SERGEF: variants seen among roughly 807,000 people sequenced by gnomAD.
The protein encoded by SERGEF is secretion regulating guanine nucleotide exchange factor.
Under a neutral mutation model 50.0 loss-of-function variants are expected in SERGEF, and 51 were observed. The observed-to-expected ratio is 1.02, with a 90% confidence interval of 0.81 to 1.29. The LOEUF is 1.29. Ranked by LOEUF, SERGEF falls within the 50% of genes most tolerant of loss-of-function variation. SERGEF has a pLI of 0.00. For synonymous variants in SERGEF, 205 were observed against 212.4 expected, an observed-to-expected ratio of 0.97 and a Z score of 0.30; for missense variants, 521 against 557.0, an observed-to-expected ratio of 0.94 and a Z score of 0.65.
intron 1 of SERGEF, 185 bp downstream of exon 1, chr11:18,012,766 C>T (rs1169471959): frequency 3.5e-6 from 5 of 1,436,120 alleles, no homozygotes; most frequent in Non-Finnish European, 4.6e-6. Context: ...ACCGCGAAGA[C>T]CCTTCCTTCC....
At chr11:17,887,447 C>T (rs1851450778) in intron 9 of SERGEF, among the ~76,000 whole-genome samples, 1 of 152,164 alleles carries the variant, frequency 6.6e-6, no homozygotes, top group Admixed American at 6.5e-5. Flanking sequence ...GACAATCAAA[C>T]TAAAAGACAG....
chr11:17,951,360 G>A (rs749290329), intron 9 of SERGEF, among the ~76,000 whole-genome samples: 2 of 152,166 alleles, frequency 1.3e-5, no homozygotes, highest in Non-Finnish European at 2.9e-5. Context: ...GAATGAGAAA[G>A]CTAAGGCTTG....
chr11:17,915,045 T>C (rs1852023739), intron 9 of SERGEF, among the ~76,000 whole-genome samples: 1 of 152,236 alleles, frequency 6.6e-6, no homozygotes, highest in Non-Finnish European at 1.5e-5. Flanking sequence ...GATGGCATAT[T>C]GACTGACAAC....
intron 10 of SERGEF, among the ~76,000 whole-genome samples, chr11:17,846,182 C>T (rs1019114173): frequency 1.3e-5 from 2 of 152,152 alleles, no homozygotes; most frequent in Admixed American, 1.3e-4. Flanking sequence ...ATAAAGTGGG[C>T]TTCTACTAGA....
At chr11:17,988,039 C>T (rs556714134) in intron 8 of SERGEF, among the ~76,000 whole-genome samples, 8 of 152,154 alleles carry the variant, frequency 5.3e-5, no homozygotes, top group South Asian at 4.1e-4. Flanking sequence ...GAGAAATAAA[C>T]GAAGATTCAA....
intron 9 of SERGEF, among the ~76,000 whole-genome samples, chr11:17,920,790 C>A (rs1298445224): frequency 1.3e-5 from 2 of 152,130 alleles, no homozygotes; most frequent in Non-Finnish European, 2.9e-5. Flanking sequence ...TCCTGAACTG[C>A]CTGCAGACTG....
chr11:17,810,674 T>G (rs1386124771), intron 10 of SERGEF, among the ~76,000 whole-genome samples: 1 of 152,200 alleles, frequency 6.6e-6, no homozygotes, highest in Non-Finnish European at 1.5e-5. Context: ...GGACGATGAC[T>G]TTTGTATCTC....
At chr11:17,999,568 C>T in intron 5 of SERGEF, 1 of 456,276 alleles carries the variant, frequency 2.2e-6, no homozygotes, top group Non-Finnish European at 4.4e-6. Context: ...CCAATTAGTG[C>T]TGTCCTTCAG....
At position 18,006,665 on chromosome 11, in the gene SERGEF, G is replaced by C. The variant is rs548664187; in HGVS notation, c.278C>G (p.Thr93Ser). Reference protein sequence around the residue: ...LGHTEDIPYFTPCKSLFGCPI... With the variant: ...LGHTEDIPYFSPCKSLFGCPI... ...ACAGCCAAAGAGGGATTTGCAGGGG[G>C]TAAAATATGGGATATCCTCTGTGTG... Residue 93 changes from threonine to serine, a missense_variant, in exon 3 of 11, where the codon ACC becomes AGC. Thr to Ser is a moderately conservative substitution (Grantham distance 58). Coordinates refer to ENST00000265965, the MANE Select transcript of SERGEF (RefSeq NM_012139.4). 1 of 1,614,144 alleles carries C rather than the reference G, an allele frequency of 6.2e-7. No individual in the cohort carries two copies. The highest frequency in any genetic ancestry group is 1.3e-5 in the African/African-American group (1 of 75,022).
intron 9 of SERGEF, among the ~76,000 whole-genome samples, chr11:17,909,351 C>A (rs562928871): frequency 6.6e-6 from 1 of 152,144 alleles, no homozygotes; most frequent in Non-Finnish European, 1.5e-5. Flanking sequence ...TGAAGGAATC[C>A]AGAGCTTATA....
intron 10 of SERGEF, among the ~76,000 whole-genome samples, chr11:17,869,524 T>TATAGTGAGGGCCTATTTAGCTGGTAC: frequency 6.6e-6 from 1 of 152,110 alleles, no homozygotes; most frequent in South Asian, 2.1e-4. Flanking sequence ...TCTGATGGTA[T>TATAGTGAGGGCCTATTTAGCTGGTAC]ATAGTGAGGG....
intron 10 of SERGEF, among the ~76,000 whole-genome samples, chr11:17,858,453 A>C (rs1453045464): frequency 2.0e-5 from 3 of 152,202 alleles, no homozygotes; most frequent in Non-Finnish European, 1.5e-5. Context: ...ATACACCCCA[A>C]GACAGAAGAT....
intron 8 of SERGEF, among the ~76,000 whole-genome samples, chr11:17,984,659 T>C (rs1853558670): frequency 1.3e-5 from 2 of 152,144 alleles, no homozygotes; most frequent in Admixed American, 6.5e-5. Flanking sequence ...GAGGTGACAG[T>C]GGGCTGAACT....
At chr11:17,896,249 A>G (rs1016120230) in intron 9 of SERGEF, among the ~76,000 whole-genome samples, 2 of 152,172 alleles carry the variant, frequency 1.3e-5, no homozygotes, top group Non-Finnish European at 2.9e-5. Context: ...AATATTGGCT[A>G]ACATATATGG....
chr11:17,932,865 C>T (rs1309388071), intron 9 of SERGEF, among the ~76,000 whole-genome samples: 1 of 151,690 alleles, frequency 6.6e-6, no homozygotes, highest in Non-Finnish European at 1.5e-5. Context: ...ATTCAGTGGC[C>T]CTAATTAAAG....
intron 8 of SERGEF, among the ~76,000 whole-genome samples, chr11:17,972,448 C>A (rs1853267910): frequency 6.6e-6 from 1 of 152,148 alleles, no homozygotes; most frequent in Non-Finnish European, 1.5e-5. Flanking sequence ...AAAAGGCCAC[C>A]AGCAAAAAGA....
intron 10 of SERGEF, among the ~76,000 whole-genome samples, chr11:17,858,397 C>T (rs1281842615): frequency 6.6e-6 from 1 of 152,122 alleles, no homozygotes; most frequent in East Asian, 1.9e-4. Flanking sequence ...GGACTCCCCC[C>T]AGCCCCCTTC....
rs567084490 is a variant in SERGEF, at chr11:17,884,485, C to A, written c.1012-6241G>T. ...ATCCGTGTATCTCTGGGGTGACAAC[C>A]AGAATTTCCAAACTATTAGAAACGC... is the stretch of plus-strand genomic sequence containing the variant. On this transcript the variant is annotated intron_variant, in intron 9 of 10. Coordinates refer to ENST00000265965, the MANE Select transcript of SERGEF (RefSeq NM_012139.4). This position sits in a 1 kb window ranked among gnomAD's most constrained non-coding sequence, Gnocchi z 4.6. Among the ~76,000 whole-genome samples the A allele has an allele frequency of 2.0e-5, 3 of 152,240 alleles. No individual in the cohort carries two copies. The highest frequency in any genetic ancestry group is 4.1e-4 in the South Asian group (2 of 4,822).
intron 10 of SERGEF, among the ~76,000 whole-genome samples, chr11:17,822,348 G>A (rs1850101177): frequency 6.6e-6 from 1 of 152,200 alleles, no homozygotes; most frequent in South Asian, 2.1e-4. Context: ...GGCAGTTTGA[G>A]TCATATGCTG....
Sources: gnomAD v4.1 joint callset for allele counts (sites outside exome capture counted in the v4.1 genomes callset) on GRCh38, gnomAD v4.1.1 for gene constraint, Gnocchi (gnomAD v3.1) non-coding constraint, MANE v1.5 for transcripts, NCBI Gene and HGNC (gene_info 2026-07-23, HGNC 2026-07-21) for gene names.